ZHX3: variants seen among roughly 807,000 people sequenced by gnomAD.
The protein encoded by ZHX3 is zinc fingers and homeoboxes protein 3.
ZHX3 carries 20 observed loss-of-function variants against 64.5 expected under a neutral mutation model. The ratio of observed to expected loss-of-function variants is 0.31; its 90% CI spans 0.22 to 0.45. The LOEUF is 0.45. Ranked by LOEUF, ZHX3 falls within the 20% of genes least tolerant of loss-of-function variation. The pLI is 1.00. For synonymous variants in ZHX3, 423 were observed against 461.6 expected, an observed-to-expected ratio of 0.92 and a Z score of 1.07; for missense variants, 1,041 against 1,195.8, an observed-to-expected ratio of 0.87 and a Z score of 1.91.
intron 1 of ZHX3, among the ~76,000 whole-genome samples, chr20:41,307,526 C>G (rs1210798521): frequency 6.6e-6 from 1 of 152,190 alleles, no homozygotes; most frequent in Admixed American, 6.5e-5. Flanking sequence ...TTCAGCTATG[C>G]TTCCATAAAA....
intron 1 of ZHX3, among the ~76,000 whole-genome samples, chr20:41,302,193 C>T (rs2044844051): frequency 6.6e-6 from 1 of 151,870 alleles, no homozygotes; most frequent in African/African-American, 2.4e-5. Context: ...TTTCCTGGGT[C>T]TCACTAGTAG....
intron 1 of ZHX3, among the ~76,000 whole-genome samples, chr20:41,304,402 C>T (rs2044913737): frequency 1.3e-5 from 2 of 152,152 alleles, no homozygotes; most frequent in African/African-American, 4.8e-5. Context: ...GCCAGTATTT[C>T]CACCTGGATT....
intron 2 of ZHX3, among the ~76,000 whole-genome samples, chr20:41,236,468 A>G (rs1030864163): frequency 2.0e-5 from 3 of 152,216 alleles, no homozygotes; most frequent in African/African-American, 7.2e-5. Context: ...ATAATGCCAC[A>G]TATCTACAAC....
At chr20:41,234,433 C>G (rs973933345) in intron 2 of ZHX3, among the ~76,000 whole-genome samples, 3 of 152,188 alleles carry the variant, frequency 2.0e-5, no homozygotes, top group African/African-American at 4.8e-5. Flanking sequence ...CATCTATCCT[C>G]CTTACCTTGG....
At chr20:41,277,259 T>G (rs1163652158) in intron 1 of ZHX3, among the ~76,000 whole-genome samples, 2 of 151,786 alleles carry the variant, frequency 1.3e-5, no homozygotes, top group African/African-American at 2.4e-5. Flanking sequence ...AGCCCAGGAG[T>G]TCAAGGTCAG....
rs573782504 is a variant in ZHX3, at chr20:41,205,054, T to A, written c.-138A>T. 5.5e-5 allele frequency: 74 copies of A among 1,343,300 alleles called. 2 individuals are homozygous for A. The South Asian group carries it at 1.5e-3, about 27-fold the overall frequency. 83.2% of individuals were successfully genotyped at this position (1,343,300 alleles called of 1,614,324 possible). A position where few individuals can be genotyped will look rare whatever the true frequency, so the allele number is the denominator to read the frequency against. ...TTCAGTTGTTTGCAGAAAGCAGGTT[T>A]TCCCTATTCAATCTAAGGAAAGGGA... On this transcript the variant is annotated 5_prime_UTR_variant, in exon 3 of 4. Coordinates refer to ENST00000683867, the MANE Select transcript of ZHX3 (RefSeq NM_001384317.1).
At chr20:41,312,011 C>T (rs1214071400) in intron 1 of ZHX3, among the ~76,000 whole-genome samples, 1 of 151,970 alleles carries the variant, frequency 6.6e-6, no homozygotes, top group Non-Finnish European at 1.5e-5. Context: ...GGGGAGTAGA[C>T]AATAAAGAAG....
intron 2 of ZHX3, among the ~76,000 whole-genome samples, chr20:41,256,342 G>A (rs1185925784): frequency 1.4e-5 from 2 of 147,682 alleles, no homozygotes; most frequent in African/African-American, 5.1e-5. Context: ...GACAGAATAA[G>A]ACTAGTCTCC....
chr20:41,222,163 T>C (rs189278683), intron 2 of ZHX3, among the ~76,000 whole-genome samples: 4 of 152,174 alleles, frequency 2.6e-5, no homozygotes, highest in East Asian at 1.9e-4. Context: ...ACCAGGATGG[T>C]AGAGATGGAG....
At chr20:41,300,721 G>A (rs2044769066) in intron 1 of ZHX3, among the ~76,000 whole-genome samples, 1 of 152,194 alleles carries the variant, frequency 6.6e-6, no homozygotes, top group Admixed American at 6.5e-5. Context: ...TAATGGGCAG[G>A]ATAGGGTTTA....
At chr20:41,286,127 C>A (rs560863273) in intron 1 of ZHX3, among the ~76,000 whole-genome samples, 2 of 152,220 alleles carry the variant, frequency 1.3e-5, no homozygotes, top group South Asian at 4.2e-4. Flanking sequence ...ATTCCCATTA[C>A]CCAAAATTAG....
rs78281919 is a variant in ZHX3, at chr20:41,316,664, A to G, written c.-245+845T>C. On this transcript the variant is annotated intron_variant, in intron 1 of 3. Coordinates refer to ENST00000683867, the MANE Select transcript of ZHX3 (RefSeq NM_001384317.1). ...CTACCTCACTCCCCCACCCCAAGTC[A>G]CATAAGTTTCTCGCAGGGCACAAGC... Among the ~76,000 whole-genome samples the G allele has an allele frequency of 3.6e-3, 546 of 152,358 alleles. 5 individuals carry two copies. The highest frequency in any genetic ancestry group is 0.013 in the African/African-American group (522 of 41,578).
At chr20:41,277,840 C>T (rs2043468080) in intron 1 of ZHX3, among the ~76,000 whole-genome samples, 1 of 137,314 alleles carries the variant, frequency 7.3e-6, no homozygotes, top group Non-Finnish European at 1.6e-5. Flanking sequence ...ATCTGCCCGC[C>T]TCGGCCTCCC....
chr20:41,303,201 T>C (rs1284034920), intron 1 of ZHX3, among the ~76,000 whole-genome samples: 2 of 152,228 alleles, frequency 1.3e-5, no homozygotes, highest in Non-Finnish European at 2.9e-5. Context: ...CCCTGACTCT[T>C]AGTCTAACAG....
chr20:41,192,034 T>C (rs1172131561), intron 3 of ZHX3, among the ~76,000 whole-genome samples: 1 of 152,170 alleles, frequency 6.6e-6, no homozygotes, highest in Non-Finnish European at 1.5e-5. Context: ...TGTGATCAGG[T>C]TCTCAGGCCC....
rs922380839 is a variant in ZHX3 at position 41,178,538 on chromosome 20, G to A, written c.*6653C>T. On this transcript the variant is annotated 3_prime_UTR_variant, in exon 4 of 4. Coordinates refer to ENST00000683867, the MANE Select transcript of ZHX3 (RefSeq NM_001384317.1). Reference sequence around the variant, plus strand: ...TTCAAATTGTACAAGCAATTTGTCCGTGTTCCCCTCCCTTATCCAAATCCA... The same window carrying A: ...TTCAAATTGTACAAGCAATTTGTCCATGTTCCCCTCCCTTATCCAAATCCA... The A allele has an allele frequency of 1.3e-5, 2 of 152,628 alleles. No homozygotes were observed. The highest frequency in any genetic ancestry group is 6.5e-5 in the Admixed American group (1 of 15,278). 9.5% of individuals were successfully genotyped at this position (152,628 alleles called of 1,614,324 possible).
chr20:41,291,192 T>G (rs1221212266), intron 1 of ZHX3, among the ~76,000 whole-genome samples: 1 of 152,212 alleles, frequency 6.6e-6, no homozygotes, highest in African/African-American at 2.4e-5. Flanking sequence ...TTTTCCCCCA[T>G]GCAGTGTTCT....
chr20:41,214,657 A>C (rs1281116024), intron 2 of ZHX3, among the ~76,000 whole-genome samples: 1 of 152,260 alleles, frequency 6.6e-6, no homozygotes, highest in Non-Finnish European at 1.5e-5. Flanking sequence ...TTACCCATTT[A>C]GGTAAGCTTG....
rs1375847210 is a variant in ZHX3, at chr20:41,185,030, G to A, written c.*161C>T. ...CTTGGTGGTGGGCAGGCCGAGGGTA[G>A]CGGCAGGCTCTGGGCTGTCTGCGAG... On this transcript the variant is annotated 3_prime_UTR_variant, in exon 4 of 4. Transcript: ENST00000683867. This position sits in a 1 kb window ranked among gnomAD's most constrained non-coding sequence, Gnocchi z 5.0. 1.3e-6 allele frequency: 2 copies of A among 1,551,654 alleles called. No homozygotes were observed. Among genetic ancestry groups the A allele is most frequent in the Non-Finnish European group, 1.7e-6 (2 of 1,147,068 alleles).
Sources: gnomAD v4.1 joint callset for allele counts (sites outside exome capture counted in the v4.1 genomes callset) on GRCh38, gnomAD v4.1.1 for gene constraint, Gnocchi (gnomAD v3.1) non-coding constraint, MANE v1.5 for transcripts, NCBI Gene and HGNC (gene_info 2026-07-23, HGNC 2026-07-21) for gene names.